ARHGAP9: variants seen among roughly 807,000 people sequenced by gnomAD.
ARHGAP9 encodes the protein Rho GTPase activating protein 9.
In ARHGAP9, 76 loss-of-function variants were observed where a neutral mutation model predicts 87.3. The ratio of observed to expected loss-of-function variants is 0.87; its 90% confidence interval spans 0.72 to 1.05. The LOEUF is 1.05. ARHGAP9 is among the 50% of genes least tolerant of loss of function. The probability of loss-of-function intolerance (pLI) is 0.00; values close to 1 mark genes in which losing one functional copy is unlikely to be tolerated. For missense variants in ARHGAP9, 941 were observed against 960.5 expected (o/e 0.98, Z 0.27); for synonymous variants, 382 against 394.9 (o/e 0.97, Z 0.39).
chr12:57,473,241 C>T (rs889720860), intron 17 of ARHGAP9, among the ~76,000 whole-genome samples: 40 of 152,006 alleles, frequency 2.6e-4, no homozygotes, highest in African/African-American at 9.2e-4. Flanking sequence ...GGTGAAACCC[C>T]GTCTCTACTA....
chr12:57,474,617 C>T lies in ARHGAP9; in HGVS notation c.1729+9G>A. On this transcript the variant is annotated intron_variant, in intron 14 of 17. Coordinates refer to ENST00000393791, the MANE Select transcript of ARHGAP9 (RefSeq NM_032496.4). ...CTTAGTACAACCACTGGCCCACAAG[C>T]CTTCTCACCTCTGTCCACCAGAAAG... 2 of 1,614,186 alleles carry T rather than the reference C, an allele frequency of 1.2e-6. No individual in the cohort carries two copies. Among genetic ancestry groups the T allele is most frequent in the Non-Finnish European group, 1.7e-6 (2 of 1,180,026 alleles).
upstream of ARHGAP9, chr12:57,480,917 G>C (rs1016680115): frequency 1.3e-4 from 172 of 1,371,508 alleles, no homozygotes; most frequent in Non-Finnish European, 1.2e-4. Context: ...CTTCCCCTGA[G>C]GGCTGGGTGG....
intron 3 of ARHGAP9, 31 bp from the exon 4 acceptor site, chr12:57,477,711 C>T: frequency 3.7e-6 from 6 of 1,607,388 alleles, no homozygotes; most frequent in Non-Finnish European, 4.3e-6. Flanking sequence ...AGGAGGTGGT[C>T]ATTCTGCCTG....
intron 1 of ARHGAP9, among the ~76,000 whole-genome samples, chr12:57,484,897 C>T (rs1007587959): frequency 3.3e-5 from 5 of 151,952 alleles, no homozygotes; most frequent in African/African-American, 4.8e-5. Flanking sequence ...CCGCCTGCCT[C>T]GGCCTCCCAA....
chr12:57,478,029 A>G, intron 3 of ARHGAP9: 1 of 1,062,816 alleles, frequency 9.4e-7, no homozygotes, highest in Non-Finnish European at 1.2e-6. Flanking sequence ...AAAAGAAGAC[A>G]GAGAAGGGTC....
Position 57,474,121 on chromosome 12 carries a change from T to G in ARHGAP9, c.1839A>C (p.Gly613=). 1.9e-6 allele frequency: 3 copies of G among 1,614,190 alleles called. No homozygotes were observed. Among genetic ancestry groups the G allele is most frequent in the Non-Finnish European group, 2.5e-6 (3 of 1,180,022 alleles). Residue 613 remains glycine, a synonymous_variant, in exon 16 of 18, where the codon GGA becomes GGC. Coordinates refer to ENST00000393791, the MANE Select transcript of ARHGAP9 (RefSeq NM_032496.4). ...TEWDDIHVVT[G]ALKLFLRELP... is the part of the protein sequence containing the mutation. ...GCTCCCGGAGAAAAAGCTTCAGGGC[T>G]CCGGTGACCACATGAATGTCATCCC...
At position 57,475,286 on chromosome 12, in the gene ARHGAP9, C is replaced by T; in HGVS notation, c.1552+5G>A. 3.8e-6 allele frequency: 6 copies of T among 1,581,328 alleles called. No homozygotes were observed. Among genetic ancestry groups the T allele is most frequent in the Non-Finnish European group, 5.2e-6 (6 of 1,162,434 alleles). On this transcript the variant is annotated splice_donor_5th_base_variant and intron_variant, in intron 12 of 17. Coordinates refer to ENST00000393791, the MANE Select transcript of ARHGAP9 (RefSeq NM_032496.4). ...TTATCCATGAACCTGGCCCAGCCCC[C>T]TCACCTCGGAGCAGACCCCGCTCCT... is the stretch of plus-strand genomic sequence containing the variant.
At position 57,475,306 on chromosome 12, in the gene ARHGAP9, G is replaced by T; in HGVS notation, c.1537C>A (p.Arg513=). The T allele has an allele frequency of 3.8e-6, 6 of 1,596,862 alleles. No individual in the cohort carries two copies. Among genetic ancestry groups the T allele is most frequent in the Non-Finnish European group, 5.1e-6 (6 of 1,171,232 alleles). Residue 513 remains arginine, a synonymous_variant, in exon 12 of 18, where the codon CGG becomes AGG. Transcript: ENST00000393791. Reference sequence around the variant, plus strand: ...GCCCCCTCACCTCGGAGCAGACCCCGCTCCTGCAGGCTTTGTAAGGGCGGT... The same window carrying T: ...GCCCCCTCACCTCGGAGCAGACCCCTCTCCTGCAGGCTTTGTAAGGGCGGT... The part of the protein sequence containing the change: ...KRPPLQSLQE[R]GLLRDQVFGC...
In ARHGAP9 at chr12:57,473,701, G is replaced by T; in HGVS notation, c.1926C>A (p.Ser642=). ...TCTGAGAGAGGCACTGCTCTGATTCGGAGAGTGCTAGAGAGAGTGATGGGA... is the reference window on the plus strand; with the variant it reads ...TCTGAGAGAGGCACTGCTCTGATTCTGAGAGTGCTAGAGAGAGTGATGGGA... ...LPHFRAALAL[S]ESEQCLSQIQ... Residue 642 remains serine, a synonymous_variant, in exon 17 of 18, where the codon TCC becomes TCA. Transcript: ENST00000393791. 1 of 1,613,848 alleles carries T rather than the reference G, an allele frequency of 6.2e-7. No individual in the cohort carries two copies. Among genetic ancestry groups the T allele is most frequent in the South Asian group, 1.1e-5 (1 of 91,076 alleles).
At position 57,477,600 on chromosome 12, in the gene ARHGAP9, G is replaced by A. The variant is rs777603271; in HGVS notation, c.615C>T (p.Pro205=). The stretch of plus-strand genomic sequence containing the variant: ...GCAGCAGGGGGCATGCAGGGCCTGG[G>A]GGTGGGGACCGAGGACAGCGGCGAA... ...VDLRRCPRSP[P]PGPACPLLQR... The change falls in exon 4 of 18, where the codon CCC becomes CCT. Residue 205 remains proline, a synonymous_variant. Transcript: ENST00000393791. The A allele has an allele frequency of 5.0e-6, 8 of 1,613,182 alleles. No homozygotes were observed. The highest frequency in any genetic ancestry group is 6.8e-6 in the Non-Finnish European group (8 of 1,179,554).
intron 3 of ARHGAP9, chr12:57,477,936 A>G: frequency 7.8e-7 from 1 of 1,278,614 alleles, no homozygotes; most frequent in South Asian, 1.5e-5. Flanking sequence ...CCCCCACCTC[A>G]GGGCCACAGG....
upstream of ARHGAP9, among the ~76,000 whole-genome samples, chr12:57,480,619 TTAA>T (rs1311244599): frequency 6.6e-6 from 1 of 152,084 alleles, no homozygotes; most frequent in Non-Finnish European, 1.5e-5. Flanking sequence ...CACAATAAAC[TTAA>T]TAATTACAAT....
chr12:57,487,810 C>G, intron 1 of ARHGAP9: 1 of 428,808 alleles, frequency 2.3e-6, no homozygotes, highest in South Asian at 2.7e-5. Flanking sequence ...GACCGTGCCA[C>G]TGCACTTCAG....
At chr12:57,478,040 T>G in intron 3 of ARHGAP9, 1 of 992,458 alleles carries the variant, frequency 1.0e-6, no homozygotes, top group African/African-American at 1.7e-5. Context: ...GAGAAGGGTC[T>G]ACAGAAGGGA....
At chr12:57,476,762 G>A in intron 6 of ARHGAP9, 109 bp downstream of exon 6, 1 of 1,542,448 alleles carries the variant, frequency 6.5e-7, no homozygotes, top group Non-Finnish European at 9.0e-7. Context: ...GCTGGGGGAG[G>A]GCTGGGTAGG....
At position 57,474,042 on chromosome 12, in the gene ARHGAP9, C is replaced by G; in HGVS notation, c.1918G>C (p.Ala640Pro). Residue 640 changes from alanine (A) to proline (P), a missense_variant and splice_region_variant, in exon 16 of 18, where the codon GCA becomes CCA. Coordinates refer to ENST00000393791, the MANE Select transcript of ARHGAP9 (RefSeq NM_032496.4). ...TTCTTTCCAAAGCTCCAACCCTTACCAAGGGCAGCACGGAAATGGGGCAGC... is the reference window on the plus strand; with the variant it reads ...TTCTTTCCAAAGCTCCAACCCTTACGAAGGGCAGCACGGAAATGGGGCAGC... ...LLLPHFRAALALSESEQCLSQ... is the reference protein window; with the variant it reads ...LLLPHFRAALPLSESEQCLSQ... 6.2e-7 allele frequency: 1 copy of G among 1,613,264 alleles called. No individual in the cohort carries two copies.
chr12:57,486,428 C>T (rs1475627488), intron 1 of ARHGAP9, among the ~76,000 whole-genome samples: 1 of 151,832 alleles, frequency 6.6e-6, no homozygotes, highest in Non-Finnish European at 1.5e-5. Flanking sequence ...CACCACCACA[C>T]CCAGCTAATT....
In ARHGAP9 at chr12:57,474,879, T is replaced by C. The variant is rs777935198; in HGVS notation, c.1647A>G (p.Lys549=). 6.2e-7 allele frequency: 1 copy of C among 1,614,176 alleles called. No individual in the cohort carries two copies. Among genetic ancestry groups the C allele is most frequent in the African/African-American group, 1.3e-5 (1 of 75,038 alleles). ...FLRLCIAAVD[K]RGLDVDGIYR... is the part of the protein sequence containing the mutation. ...TGGGGTCTCTGAGAAAATGACCTCT[T>C]TTATCCACAGCAGCAATGCAGAGCC... is the stretch of plus-strand genomic sequence containing the variant. The change falls in exon 13 of 18, where the codon AAA becomes AAG. Residue 549 remains lysine (K), a synonymous_variant. Coordinates refer to ENST00000393791, the MANE Select transcript of ARHGAP9 (RefSeq NM_032496.4).
At position 57,475,322 on chromosome 12, in the gene ARHGAP9, T is replaced by A; in HGVS notation, c.1521A>T (p.Leu507Phe). Reference protein sequence around the residue: ...LKRLIAKRPPLQSLQERGLLR... With the variant: ...LKRLIAKRPPFQSLQERGLLR... ...GCAGACCCCGCTCCTGCAGGCTTTG[T>A]AAGGGCGGTCTCTTCGCGATGAGCC... The change falls in exon 12 of 18, where the codon TTA becomes TTT. Residue 507 changes from leucine (L) to phenylalanine (F), a missense_variant. By Grantham distance (22) the Leu-to-Phe change is conservative. Transcript: ENST00000393791. 1.2e-6 allele frequency: 2 copies of A among 1,602,000 alleles called. No homozygotes were observed. Among genetic ancestry groups the A allele is most frequent in the Non-Finnish European group, 1.7e-6 (2 of 1,173,990 alleles).
Sources: allele counts gnomAD v4.1 joint callset (sites outside exome capture counted in the v4.1 genomes callset), GRCh38; gene constraint gnomAD v4.1.1; transcripts MANE v1.5; gene names NCBI Gene and HGNC (gene_info 2026-07-23, HGNC 2026-07-21).